Variants in MYSM1 observed in about 807,000 individuals in gnomAD.
MYSM1 encodes Myb like, SWIRM and MPN domains 1, also known as deubiquitinase MYSM1.
MYSM1 carries 51 observed loss-of-function variants against 116.0 expected under a neutral mutation model. The ratio of observed to expected loss-of-function variants is 0.44; its 90% CI spans 0.35 to 0.56. MYSM1 has a LOEUF of 0.56. Among genes scored for constraint, MYSM1 ranks in the 20% least tolerant of loss-of-function variants. MYSM1 has a pLI of 0.00. For synonymous variants in MYSM1, 313 were observed against 315.2 expected (o/e 0.99, Z 0.07); for missense variants, 900 against 974.9 (o/e 0.92, Z 1.02).
chr1:58,688,712 T>C (rs996930522), intron 6 of MYSM1, among the ~76,000 whole-genome samples: 4 of 151,860 alleles, frequency 2.6e-5, no homozygotes, highest in Admixed American at 6.6e-5. Flanking sequence ...AAAAAGAGAT[T>C]ACTAAATAAT....
intron 17 of MYSM1, among the ~76,000 whole-genome samples, chr1:58,664,784 C>A (rs1412537227): frequency 1.3e-5 from 2 of 152,116 alleles, no homozygotes; most frequent in African/African-American, 2.4e-5. Context: ...GGGAAGAGTA[C>A]AATGTGGGGT....
intron 5 of MYSM1, chr1:58,689,740 CG>C (rs1368444091): frequency 1.3e-5 from 2 of 154,194 alleles, no homozygotes; most frequent in Non-Finnish European, 2.9e-5. Flanking sequence ...ATTGCAAATA[CG>C]TAAACCACCC....
chr1:58,692,773 T>C (rs1175511987), intron 3 of MYSM1, 88 bp downstream of exon 3: 2 of 869,976 alleles, frequency 2.3e-6, no homozygotes, highest in Non-Finnish European at 3.6e-6. Context: ...AAAATCCATC[T>C]AGTAAACAGT....
rs1191159557 is a variant in MYSM1 at position 58,657,968 on chromosome 1, A to G, written c.*2029T>C. 1.3e-5 allele frequency: 2 copies of G among 152,200 alleles called. No individual in the cohort carries two copies. The highest frequency in any genetic ancestry group is 2.4e-5 in the African/African-American group (1 of 41,460). 9.4% of individuals were successfully genotyped at this position (152,200 alleles called of 1,614,324 possible). On this transcript the variant is annotated 3_prime_UTR_variant, in exon 20 of 20. Coordinates refer to ENST00000472487, the MANE Select transcript of MYSM1 (RefSeq NM_001085487.3). ...ATTATAGGGAAATGTCAATCAAGAA[A>G]GCTAGTATAAAACACTTTTTAGTAT...
intron 3 of MYSM1, 76 bp from the exon 4 acceptor site, chr1:58,690,493 G>A: frequency 1.0e-6 from 1 of 991,440 alleles, no homozygotes; most frequent in Non-Finnish European, 1.5e-6. Flanking sequence ...CAAAACGTGT[G>A]CTACATAAAT....
At chr1:58,670,104 G>A (rs1474127223) in intron 12 of MYSM1, among the ~76,000 whole-genome samples, 1 of 152,144 alleles carries the variant, frequency 6.6e-6, no homozygotes. Flanking sequence ...TTAGCTTCAA[G>A]AGAACATTTT....
chr1:58,673,497 A>G lies in MYSM1; in HGVS notation c.1572+76T>C, dbSNP rs1411661764. 18 of 1,182,352 alleles carry G rather than the reference A, an allele frequency of 1.5e-5. No homozygotes were observed. In the Admixed American group the frequency reaches 3.1e-4, roughly 21 times the overall value. 73.2% of individuals were successfully genotyped at this position (1,182,352 alleles called of 1,614,324 possible). On this transcript the variant is annotated intron_variant, in intron 11 of 19. Transcript: ENST00000472487. The stretch of plus-strand genomic sequence containing the variant: ...TTAATGTATGAAACAAGTACAATAC[A>G]TATGACATTAAGATGTACAAATATA...
intron 1 of MYSM1, among the ~76,000 whole-genome samples, chr1:58,698,083 A>ACT (rs1322113288): frequency 1.2e-3 from 28 of 23,244 alleles, no homozygotes; most frequent in African/African-American, 4.2e-3. Context: ...TATTTATCAG[A>ACT]CTATATATAT....
In MYSM1 at chr1:58,657,136, T is replaced by TGATC. The variant is rs1265511249; in HGVS notation, c.*2857_*2860dup. 1 of 152,118 alleles carries TGATC rather than the reference T, an allele frequency of 6.6e-6. No homozygotes were observed. The highest frequency in any genetic ancestry group is 1.5e-5 in the Non-Finnish European group (1 of 68,036). The allele number at this position is 152,118 out of a possible 1,614,324, so 9.4% of individuals were successfully genotyped here. A position where few individuals can be genotyped will look rare whatever the true frequency, so the allele number is the denominator to read the frequency against. On this transcript the variant is annotated 3_prime_UTR_variant, in exon 20 of 20. Coordinates refer to ENST00000472487, the MANE Select transcript of MYSM1 (RefSeq NM_001085487.3). ...ATGGAGATGGAGAGTCTGAGCTTAC[T>TGATC]GATCCTGTTCCACTGGTTTTTCTTT...
At chr1:58,672,630 A>T (rs963484091) in intron 11 of MYSM1, among the ~76,000 whole-genome samples, 1 of 151,896 alleles carries the variant, frequency 6.6e-6, no homozygotes, top group Non-Finnish European at 1.5e-5. Context: ...TGAACTATGC[A>T]CCTTTTCCAG....
In MYSM1 at chr1:58,661,589, C is replaced by T. The variant is rs577369474; in HGVS notation, c.2165-78G>A. 1.4e-3 allele frequency: 1,144 copies of T among 802,962 alleles called. 19 individuals are homozygous for T. The highest frequency in any genetic ancestry group is 0.013 in the South Asian group (740 of 56,470). 49.7% of individuals were successfully genotyped at this position (802,962 alleles called of 1,614,324 possible). A position where few individuals can be genotyped will look rare whatever the true frequency, so the allele number is the denominator to read the frequency against. On this transcript the variant is annotated intron_variant, in intron 17 of 19. Coordinates refer to ENST00000472487, the MANE Select transcript of MYSM1 (RefSeq NM_001085487.3). ...TCTCCTTTTAATTATACTTAAAATT[C>T]CCTTCGGTGTTTTTACAGCCATAGC...
chr1:58,668,990 T>TTCTTCAA lies in MYSM1; in HGVS notation c.1709_1710insTTGAAGA (p.Glu570AspfsTer2), dbSNP rs775930259. The stretch of plus-strand genomic sequence containing the variant: ...ATTAATGCATAAATAGTACCTGCTT[T>TTCTTCAA]TCTTCACTAAAAAAATTACAAGGTA... On this transcript the variant is annotated stop_gained and frameshift_variant, in exon 13 of 20. Transcript: ENST00000472487. LOFTEE classifies it high-confidence loss of function. The TTCTTCAA allele has an allele frequency of 3.7e-6, 6 of 1,600,396 alleles. No homozygotes were observed. The Admixed American group carries it at 1.1e-4, about 28-fold the overall frequency.
Position 58,695,211 on chromosome 1 carries a change from TAATA to T in MYSM1, c.69-8_69-5del. On this transcript the variant is annotated splice_polypyrimidine_tract_variant and splice_region_variant and intron_variant, in intron 1 of 19. Coordinates refer to ENST00000472487, the MANE Select transcript of MYSM1 (RefSeq NM_001085487.3). ...TGATGCTGTATTTTCACCACTTCTG[TAATA>T]ATTAAGAAAATGAGTATATAAGTGA... 1 of 1,562,930 alleles carries T rather than the reference TAATA, an allele frequency of 6.4e-7. No individual in the cohort carries two copies. The highest frequency in any genetic ancestry group is 1.1e-5 in the South Asian group (1 of 89,982).
intron 7 of MYSM1, 59 bp from the exon 8 acceptor site, chr1:58,682,604 G>A: frequency 4.2e-6 from 6 of 1,413,798 alleles, no homozygotes; most frequent in East Asian, 2.5e-5. Context: ...TTAATCACTG[G>A]TACACACAAA....
Position 58,658,621 on chromosome 1 carries a change from G to C in MYSM1, c.*1376C>G, listed in dbSNP as rs189741040. 35 of 152,124 alleles carry C rather than the reference G, an allele frequency of 2.3e-4. No individual in the cohort carries two copies. The highest frequency in any genetic ancestry group is 7.7e-4 in the African/African-American group (32 of 41,526). The allele number at this position is 152,124 out of a possible 1,614,324, so 9.4% of individuals were successfully genotyped here. ...TTGATTACAAACAAAGCAAAATATA[G>C]AATCAATCTGATTTAGATATAAGGA... On this transcript the variant is annotated 3_prime_UTR_variant, in exon 20 of 20. Transcript: ENST00000472487.
rs543103418 is a variant in MYSM1 at position 58,661,748 on chromosome 1, A to G, written c.2165-237T>C. Among the ~76,000 whole-genome samples, 3 of 152,218 alleles carry G rather than the reference A, an allele frequency of 2.0e-5. No individual in the cohort carries two copies. The East Asian group carries it at 5.8e-4, about 29-fold the overall frequency. On this transcript the variant is annotated intron_variant, in intron 17 of 19. Transcript: ENST00000472487. Reference sequence around the variant, plus strand: ...AATAATGAGTAAAAGTGCCATTTACATGACAATTCTACGCATGGCACTATG... The same window carrying G: ...AATAATGAGTAAAAGTGCCATTTACGTGACAATTCTACGCATGGCACTATG...
intron 6 of MYSM1, among the ~76,000 whole-genome samples, chr1:58,685,921 C>T (rs1644821126): frequency 1.3e-5 from 2 of 152,104 alleles, no homozygotes; most frequent in African/African-American, 2.4e-5. Flanking sequence ...CTGTTAATGT[C>T]GTTGTCAGTT....
In MYSM1 at chr1:58,675,536, T is replaced by A. The variant is rs1644637328; in HGVS notation, c.1435A>T (p.Ile479Phe). Residue 479 changes from isoleucine to phenylalanine, a missense_variant, in exon 10 of 20, where the codon ATC (isoleucine) becomes TTC (phenylalanine). Physicochemically the swap from Ile to Phe is conservative, Grantham distance 21. Coordinates refer to ENST00000472487, the MANE Select transcript of MYSM1 (RefSeq NM_001085487.3). ...NRPQTVDKVR[I>F]RDRKDAVEAY... Reference sequence around the variant, plus strand: ...TCTACTGCATCTTTTCTGTCTCTGATTCGTACTTTGTCAACTGTTTGTGGC... The same window carrying A: ...TCTACTGCATCTTTTCTGTCTCTGAATCGTACTTTGTCAACTGTTTGTGGC... 1 of 1,613,790 alleles carries A rather than the reference T, an allele frequency of 6.2e-7. No homozygotes were observed.
rs1235846641 is a variant in MYSM1, at chr1:58,675,451, G to A, written c.1494+26C>T. 4 of 1,525,686 alleles carry A rather than the reference G, an allele frequency of 2.6e-6. No individual in the cohort carries two copies. In the East Asian group the frequency reaches 9.0e-5, roughly 34 times the overall value. 94.5% of individuals were successfully genotyped at this position (1,525,686 alleles called of 1,614,324 possible). ...AACAGAGTAAGCAGCAATGTGGAGA[G>A]ATCACTGAGAGAGATGACTGCTTAC... On this transcript the variant is annotated intron_variant, in intron 10 of 19. Transcript: ENST00000472487.
Sources: gnomAD v4.1 joint callset for allele counts (sites outside exome capture counted in the v4.1 genomes callset) on GRCh38, gnomAD v4.1.1 for gene constraint, MANE v1.5 for transcripts, NCBI Gene and HGNC (gene_info 2026-07-23, HGNC 2026-07-21) for gene names.